CUEDC1: variants seen among roughly 807,000 people sequenced by gnomAD.
The protein encoded by CUEDC1 is CUE domain containing 1.
Under a neutral mutation model 43.7 loss-of-function variants are expected in CUEDC1, and 30 were observed. The ratio of observed to expected loss-of-function variants is 0.69; its 90% CI spans 0.51 to 0.93. The LOEUF is 0.93. CUEDC1 is among the 40% of genes least tolerant of loss of function. CUEDC1 has a pLI of 0.00. For synonymous variants in CUEDC1, 223 were observed against 223.6 expected, an observed-to-expected ratio of 1.00 and a Z score of 0.02; for missense variants, 486 against 549.0, an observed-to-expected ratio of 0.89 and a Z score of 1.15.
intron 5 of CUEDC1, 112 bp from the exon 6 acceptor site, chr17:57,871,481 GA>G: frequency 1.2e-6 from 1 of 804,486 alleles, no homozygotes; most frequent in Non-Finnish European, 2.1e-6. Context: ...AATCACACAT[GA>G]GCACACACGG....
chr17:57,878,939 T>C (rs2074166475), intron 3 of CUEDC1, among the ~76,000 whole-genome samples: 2 of 152,202 alleles, frequency 1.3e-5, no homozygotes, highest in Admixed American at 6.5e-5. Context: ...AGTGCTGGGA[T>C]TACAGATGTG....
At chr17:57,869,416 G>C (rs538181591) in intron 6 of CUEDC1, among the ~76,000 whole-genome samples, 1 of 152,334 alleles carries the variant, frequency 6.6e-6, no homozygotes, top group South Asian at 2.1e-4. Context: ...GCGGTCTACT[G>C]TGTGTGCAGA....
intron 1 of CUEDC1, among the ~76,000 whole-genome samples, chr17:57,911,838 C>T (rs1598004163): frequency 6.6e-6 from 1 of 152,266 alleles, no homozygotes; most frequent in Middle Eastern, 3.4e-3. Context: ...CTGGGACAGA[C>T]ATTTCTTAAG....
Position 57,866,542 on chromosome 17 carries a change from C to G in CUEDC1, c.1096G>C (p.Glu366Gln). ...TCCTGACGCCTGCCCCGGAAGTCTT[C>G]ATCTGAAAAGGAGAGGGAAGCTGCC... ...LDDVEGHACD[E>Q]DFRGRRQEAP... Residue 366 changes from glutamate (E) to glutamine (Q), a missense_variant and splice_region_variant, in exon 10 of 11, where the codon GAA (glutamate) becomes CAA (glutamine). Physicochemically the swap from Glu to Gln is conservative, Grantham distance 29. Transcript: ENST00000577830. The G allele has an allele frequency of 6.2e-7, 1 of 1,614,144 alleles. No homozygotes were observed. Among genetic ancestry groups the G allele is most frequent in the Non-Finnish European group, 8.5e-7 (1 of 1,179,992 alleles).
chr17:57,894,472 A>G (rs2074388787), intron 1 of CUEDC1, among the ~76,000 whole-genome samples: 1 of 152,110 alleles, frequency 6.6e-6, no homozygotes, highest in Non-Finnish European at 1.5e-5. Context: ...GGAGTTTGAG[A>G]CCAGCCTGGC....
At chr17:57,878,215 T>A (rs1191481262) in intron 3 of CUEDC1, among the ~76,000 whole-genome samples, 1 of 152,254 alleles carries the variant, frequency 6.6e-6, no homozygotes, top group African/African-American at 2.4e-5. Flanking sequence ...TAAGTCAGAA[T>A]GACCTGGATT....
At chr17:57,924,636 C>G (rs9893470) in intron 1 of CUEDC1, among the ~76,000 whole-genome samples, 46,259 of 151,596 alleles carry the variant, frequency 0.31, 8,469 homozygotes, top group African/African-American at 0.51. Flanking sequence ...GGTCCCATCA[C>G]CCCACCCCTG....
chr17:57,868,187 T>C lies in CUEDC1; in HGVS notation c.997A>G (p.Arg333Gly), dbSNP rs776723842. The C allele has an allele frequency of 6.2e-7, 1 of 1,614,198 alleles. No homozygotes were observed. The highest frequency in any genetic ancestry group is 1.1e-5 in the South Asian group (1 of 91,086). The change falls in exon 8 of 11, where the codon AGG becomes GGG. Residue 333 changes from arginine to glycine, a missense_variant. By Grantham distance (125) the Arg-to-Gly change is moderately radical. Transcript: ENST00000577830. Reference sequence around the variant, plus strand: ...AACAAGTGTTTCCTCTTTGACTTCCTCATTTTGGTCTTCTCTGAGAAGGCT... The same window carrying C: ...AACAAGTGTTTCCTCTTTGACTTCCCCATTTTGGTCTTCTCTGAGAAGGCT... ...ARAFSEKTKM[R>G]KSKRKHLLKH...
intron 5 of CUEDC1, among the ~76,000 whole-genome samples, chr17:57,872,436 T>C (rs2074047149): frequency 6.6e-6 from 1 of 152,220 alleles, no homozygotes; most frequent in African/African-American, 2.4e-5. Flanking sequence ...GTGCACATCC[T>C]TCTTCCTCTG....
intron 1 of CUEDC1, among the ~76,000 whole-genome samples, chr17:57,897,787 G>T (rs1046717223): frequency 6.6e-6 from 1 of 152,166 alleles, no homozygotes; most frequent in Non-Finnish European, 1.5e-5. Flanking sequence ...GGCTGAGGCG[G>T]GTGAATCACG....
At chr17:57,887,901 T>TTTTA (rs1366071847) in intron 1 of CUEDC1, among the ~76,000 whole-genome samples, 1 of 133,790 alleles carries the variant, frequency 7.5e-6, no homozygotes, top group Non-Finnish European at 1.6e-5. Context: ...TTTTTCTCTT[T>TTTTA]TTTTTTTTTT....
At chr17:57,879,424 G>C (rs578078528) in intron 3 of CUEDC1, among the ~76,000 whole-genome samples, 187 bp downstream of exon 3, 1 of 152,348 alleles carries the variant, frequency 6.6e-6, no homozygotes, top group East Asian at 1.9e-4. Context: ...GGAAATGTTT[G>C]CTCTTGCAAT....
At chr17:57,914,578 C>G (rs774313304) in intron 1 of CUEDC1, among the ~76,000 whole-genome samples, 2 of 152,178 alleles carry the variant, frequency 1.3e-5, no homozygotes, top group Non-Finnish European at 2.9e-5. Flanking sequence ...GCAGTCCCAA[C>G]TGGGAGCTCC....
intron 1 of CUEDC1, among the ~76,000 whole-genome samples, chr17:57,909,695 G>T (rs2074563931): frequency 6.6e-6 from 1 of 152,236 alleles, no homozygotes; most frequent in African/African-American, 2.4e-5. Flanking sequence ...AGAGGACCAG[G>T]CTCAGAAAGG....
At chr17:57,916,199 C>T (rs1189458722) in intron 1 of CUEDC1, among the ~76,000 whole-genome samples, 1 of 152,252 alleles carries the variant, frequency 6.6e-6, no homozygotes, top group African/African-American at 2.4e-5. Context: ...CCAGCAGCTG[C>T]CTCTGAGAAT....
rs58900177 is a variant in CUEDC1, at chr17:57,920,632, C to CT, written c.-316+34592dup. Among the ~76,000 whole-genome samples, 386 of 115,162 alleles carry CT rather than the reference C, an allele frequency of 3.4e-3. 4 individuals are homozygous for CT. The highest frequency in any genetic ancestry group is 0.011 in the African/African-American group (372 of 32,798). 75.6% of individuals were successfully genotyped at this position (115,162 alleles called of 152,430 possible). On this transcript the variant is annotated intron_variant, in intron 1 of 10. Coordinates refer to ENST00000577830, the MANE Select transcript of CUEDC1 (RefSeq NM_001271875.2). ...ATTATCTGAATTTTCTTTTTCTTTT[C>CT]TTTTTTTTTTTTTTTTTGAGATGGA... is the stretch of plus-strand genomic sequence containing the variant.
intron 6 of CUEDC1, 93 bp from the exon 7 acceptor site, chr17:57,869,286 A>AAG: frequency 9.1e-7 from 1 of 1,101,194 alleles, no homozygotes; most frequent in Non-Finnish European, 1.4e-6. Context: ...AATGCAAAGA[A>AAG]AGAGCAGGCT....
intron 10 of CUEDC1, among the ~76,000 whole-genome samples, chr17:57,864,754 A>G (rs1057094670): frequency 6.6e-6 from 1 of 152,062 alleles, no homozygotes; most frequent in African/African-American, 2.4e-5. Flanking sequence ...AAGTCCTAGG[A>G]CAGAAATAAA....
rs1202373904 is a variant in CUEDC1, at chr17:57,923,675, G to T, written c.-316+31550C>A. 2.0e-5 allele frequency among the ~76,000 whole-genome samples: 3 copies of T among 152,206 alleles called. No individual in the cohort carries two copies. In the South Asian group the frequency reaches 6.2e-4, roughly 32 times the overall value. On this transcript the variant is annotated intron_variant, in intron 1 of 10. Coordinates refer to ENST00000577830, the MANE Select transcript of CUEDC1 (RefSeq NM_001271875.2). ...CCCACCAGGAGCTGGCAAAGTAAAG[G>T]CACAGTTGATGGGCTCCTGTGAAAC...
Sources: allele counts gnomAD v4.1 joint callset (sites outside exome capture counted in the v4.1 genomes callset), GRCh38; gene constraint gnomAD v4.1.1; transcripts MANE v1.5; gene names NCBI Gene and HGNC (gene_info 2026-07-23, HGNC 2026-07-21).